Variants in CENPP observed in about 807,000 individuals in gnomAD.
The protein encoded by CENPP is centromere protein P.
A neutral mutation model predicts 35.6 loss-of-function variants in CENPP; 24 were observed. That is an observed-to-expected ratio of 0.67 (90% CI 0.49 to 0.95). CENPP has a LOEUF of 0.95. Among genes scored for constraint, CENPP ranks in the 40% least tolerant of loss-of-function variants. The pLI, the probability that CENPP is intolerant of heterozygous loss-of-function variation, is 0.00. For missense variants in CENPP, 332 were observed against 345.3 expected, an observed-to-expected ratio of 0.96 and a Z score of 0.31; for synonymous variants, 120 against 125.5, an observed-to-expected ratio of 0.96 and a Z score of 0.29.
chr9:92,496,656 A>AAGCACT (rs1846361619), intron 5 of CENPP, among the ~76,000 whole-genome samples: 1 of 152,230 alleles, frequency 6.6e-6, no homozygotes, highest in African/African-American at 2.4e-5. Flanking sequence ...GAAGCCATAG[A>AAGCACT]AGCACTAGAA....
intron 5 of CENPP, among the ~76,000 whole-genome samples, chr9:92,569,340 C>G (rs1443007186): frequency 6.6e-6 from 1 of 152,144 alleles, no homozygotes; most frequent in Non-Finnish European, 1.5e-5. Context: ...AATAGGGAAT[C>G]CTTTCCCCAT....
At chr9:92,599,276 G>GA (rs1275511599) in intron 5 of CENPP, among the ~76,000 whole-genome samples, 1 of 151,722 alleles carries the variant, frequency 6.6e-6, no homozygotes, top group African/African-American at 2.4e-5. Context: ...AAAAGAAAAA[G>GA]AAAAAAGTCC....
At position 92,615,921 on chromosome 9, in the gene CENPP, A is replaced by C. The variant is rs771538276; in HGVS notation, c.*2772A>C. On this transcript the variant is annotated 3_prime_UTR_variant, in exon 8 of 8. Coordinates refer to ENST00000375587, the MANE Select transcript of CENPP (RefSeq NM_001012267.3). Reference sequence around the variant, plus strand: ...TTGTCTTTGGCACGTACAGTCTTTGAATAATAGTTGACGATCTTGCCGTCC... The same window carrying C: ...TTGTCTTTGGCACGTACAGTCTTTGCATAATAGTTGACGATCTTGCCGTCC... 3 of 1,614,026 alleles carry C rather than the reference A, an allele frequency of 1.9e-6. No individual in the cohort carries two copies. The South Asian group carries it at 3.3e-5, about 18-fold the overall frequency.
intron 5 of CENPP, chr9:92,385,758 T>C: frequency 1.2e-6 from 2 of 1,614,136 alleles, no homozygotes; most frequent in Non-Finnish European, 1.7e-6. Flanking sequence ...CCTTGCAGAA[T>C]GTGTCATCTG....
chr9:92,545,832 CTG>C lies in CENPP; in HGVS notation c.565-65478_565-65477del, dbSNP rs759873023. On this transcript the variant is annotated intron_variant, in intron 5 of 7. Coordinates refer to ENST00000375587, the MANE Select transcript of CENPP (RefSeq NM_001012267.3). ...GTTTGTAAATGCACCAATCAGCACA[CTG>C]TGTCTAGCTCAAGGTTTGGTAAATG... Among the ~76,000 whole-genome samples, 185 of 152,334 alleles carry C rather than the reference CTG, an allele frequency of 1.2e-3. 1 individual carries two copies. The highest frequency in any genetic ancestry group is 2.2e-3 in the Non-Finnish European group (153 of 68,024).
rs1170122647 is a variant in CENPP at position 92,432,609 on chromosome 9, G to A, written c.564+52750G>A. The stretch of plus-strand genomic sequence containing the variant: ...AGCACACAACCAATCACAGGCTGCA[G>A]AAGAAGCGAGAGAGCACTCATAGGC... On this transcript the variant is annotated intron_variant, in intron 5 of 7. Transcript: ENST00000375587. Among the ~76,000 whole-genome samples, 4 of 152,182 alleles carry A rather than the reference G, an allele frequency of 2.6e-5. No individual in the cohort carries two copies. In the East Asian group the frequency reaches 7.7e-4, roughly 29 times the overall value.
At chr9:92,446,828 TAGAAA>T (rs1430118611) in intron 5 of CENPP, among the ~76,000 whole-genome samples, 1 of 86,644 alleles carries the variant, frequency 1.2e-5, no homozygotes, top group South Asian at 3.5e-4. Context: ...AAAAAAAAAA[TAGAAA>T]AGAAAAGAAA....
chr9:92,348,611 C>G lies in CENPP; in HGVS notation c.467+2824C>G, dbSNP rs13300555. Reference sequence around the variant, plus strand: ...TTCACCATGTTGGTCAGGCTGGTCTCAAACTCCTGATCTCAGGTGATCCAC... The same window carrying G: ...TTCACCATGTTGGTCAGGCTGGTCTGAAACTCCTGATCTCAGGTGATCCAC... On this transcript the variant is annotated intron_variant, in intron 4 of 7. Coordinates refer to ENST00000375587, the MANE Select transcript of CENPP (RefSeq NM_001012267.3). Among the ~76,000 whole-genome samples, 465 of 151,970 alleles carry G rather than the reference C, an allele frequency of 3.1e-3. 1 individual carries two copies. The highest frequency in any genetic ancestry group is 0.014 in the Middle Eastern group (4 of 290).
chr9:92,395,464 C>A (rs75337179), intron 5 of CENPP, among the ~76,000 whole-genome samples: 6,207 of 152,192 alleles, frequency 0.041, 197 homozygotes, highest in Non-Finnish European at 0.058. Context: ...TTCACTATTT[C>A]AAAGAAATTT....
intron 5 of CENPP, among the ~76,000 whole-genome samples, chr9:92,450,739 A>G (rs1386356477): frequency 2.6e-5 from 4 of 152,032 alleles, no homozygotes; most frequent in Admixed American, 1.3e-4. Context: ...CTATTTCTCC[A>G]CATCCTCTCC....
intron 5 of CENPP, among the ~76,000 whole-genome samples, chr9:92,464,041 A>G (rs929437520): frequency 6.6e-6 from 1 of 152,152 alleles, no homozygotes; most frequent in African/African-American, 2.4e-5. Flanking sequence ...TGCTGCTTTA[A>G]CTCATGGATA....
At chr9:92,595,236 GTTTA>G (rs1307176085) in intron 5 of CENPP, among the ~76,000 whole-genome samples, 1 of 151,980 alleles carries the variant, frequency 6.6e-6, no homozygotes, top group Non-Finnish European at 1.5e-5. Context: ...TGACTTCATG[GTTTA>G]TTTGTTTATT....
At chr9:92,568,767 G>A (rs868043718) in intron 5 of CENPP, among the ~76,000 whole-genome samples, 3 of 152,138 alleles carry the variant, frequency 2.0e-5, no homozygotes, top group African/African-American at 4.8e-5. Flanking sequence ...ACTTTTTAAT[G>A]ATTGCCATTC....
chr9:92,365,932 G>C (rs1588063132), intron 4 of CENPP, among the ~76,000 whole-genome samples: 1 of 151,432 alleles, frequency 6.6e-6, no homozygotes, highest in African/African-American at 2.4e-5. Flanking sequence ...TGTAATCCCA[G>C]CACTTTGGGA....
At chr9:92,399,294 A>G (rs1843012943) in intron 5 of CENPP, among the ~76,000 whole-genome samples, 1 of 152,092 alleles carries the variant, frequency 6.6e-6, no homozygotes, top group Non-Finnish European at 1.5e-5. Flanking sequence ...TTTAATTTAT[A>G]TGTCTCTGTG....
intron 5 of CENPP, chr9:92,460,651 T>C (rs1167257383): frequency 4.5e-6 from 4 of 879,260 alleles, no homozygotes; most frequent in Non-Finnish European, 7.1e-6. Context: ...TTTCAGATTA[T>C]GGATTTAGGC....
intron 4 of CENPP, among the ~76,000 whole-genome samples, chr9:92,357,588 G>A (rs1390807022): frequency 4.0e-5 from 6 of 151,548 alleles, no homozygotes; most frequent in East Asian, 1.9e-4. Context: ...TCTGCCTCCC[G>A]GGTTCAGGTG....
Position 92,613,040 on chromosome 9 carries a change from G to T in CENPP, c.758G>T (p.Arg253Ile). The change falls in exon 8 of 8, where the codon AGA (arginine) becomes ATA (isoleucine). Residue 253 changes from arginine to isoleucine, a missense_variant. Transcript: ENST00000375587. The stretch of plus-strand genomic sequence containing the variant: ...ATAGCCCTGGAGCTGGACAAGAACA[G>T]AGCCATAGAAACTGCTCCTCTCAGC... ...PQRALELDKN[R>I]AIETAPLSFR... 6.2e-7 allele frequency: 1 copy of T among 1,614,168 alleles called. No individual in the cohort carries two copies. Among genetic ancestry groups the T allele is most frequent in the Admixed American group, 1.7e-5 (1 of 60,020 alleles).
At chr9:92,446,479 A>G (rs1047576739) in intron 5 of CENPP, among the ~76,000 whole-genome samples, 3 of 152,184 alleles carry the variant, frequency 2.0e-5, no homozygotes, top group African/African-American at 7.2e-5. Flanking sequence ...TGTAATGTAG[A>G]ATATAACAGT....
Sources: allele counts gnomAD v4.1 joint callset (sites outside exome capture counted in the v4.1 genomes callset), GRCh38; gene constraint gnomAD v4.1.1; transcripts MANE v1.5; gene names NCBI Gene and HGNC (gene_info 2026-07-23, HGNC 2026-07-21).